PARD6G: variants seen among roughly 807,000 people sequenced by gnomAD.
PARD6G encodes par-6 family cell polarity regulator gamma.
A neutral mutation model predicts 10.7 loss-of-function variants in PARD6G; 7 were observed. The observed-to-expected ratio is 0.66, with a 90% CI of 0.37 to 1.23. The LOEUF is 1.23. Among genes scored for constraint, PARD6G ranks in the 50% most tolerant of loss-of-function variants. PARD6G has a pLI of 0.02. For missense variants in PARD6G, 548 were observed against 571.8 expected (o/e 0.96, Z 0.42); for synonymous variants, 287 against 269.4 (o/e 1.07, Z -0.64).
intron 2 of PARD6G, among the ~76,000 whole-genome samples, chr18:80,173,981 A>AT (rs1261314982): frequency 6.6e-6 from 1 of 152,152 alleles, no homozygotes; most frequent in Non-Finnish European, 1.5e-5. Flanking sequence ...AGGGAAAGGC[A>AT]TTCAGTCTGT....
At position 80,246,474 on chromosome 18, in the gene PARD6G, G is replaced by C. The variant is rs977999607; in HGVS notation, c.72+803C>G. On this transcript the variant is annotated intron_variant, in intron 1 of 2. Coordinates refer to ENST00000353265, the MANE Select transcript of PARD6G (RefSeq NM_032510.4). The surrounding 1 kb of genome is among the most constrained non-coding windows in gnomAD (Gnocchi z 6.7). ...CCGGGCGCAGGCAGCGGGAGGGGCC[G>C]GGCACGCCCGTGGGGGTGGTCTGGG... Among the ~76,000 whole-genome samples the C allele has an allele frequency of 1.3e-4, 20 of 152,098 alleles. No individual in the cohort carries two copies. The highest frequency in any genetic ancestry group is 2.8e-4 in the Non-Finnish European group (19 of 67,980).
At chr18:80,195,735 C>T (rs1479224192) in intron 2 of PARD6G, among the ~76,000 whole-genome samples, 2 of 150,572 alleles carry the variant, frequency 1.3e-5, no homozygotes, top group East Asian at 2.0e-4. Context: ...ATCAGCCAGG[C>T]GTGGTGGCGC....
intron 1 of PARD6G, among the ~76,000 whole-genome samples, chr18:80,210,729 A>G (rs1186244930): frequency 6.6e-6 from 1 of 152,256 alleles, no homozygotes; most frequent in African/African-American, 2.4e-5. Flanking sequence ...ACGACTAATT[A>G]TAAACAAATA....
At chr18:80,210,229 A>C (rs1402621562) in intron 1 of PARD6G, among the ~76,000 whole-genome samples, 1 of 152,232 alleles carries the variant, frequency 6.6e-6, no homozygotes, top group Non-Finnish European at 1.5e-5. Flanking sequence ...CCAGAATGGA[A>C]GACTAGGACC....
chr18:80,194,632 G>A (rs1465777917), intron 2 of PARD6G, among the ~76,000 whole-genome samples: 1 of 152,032 alleles, frequency 6.6e-6, no homozygotes, highest in Non-Finnish European at 1.5e-5. Context: ...GTGAGCTCTG[G>A]ACTTTGCATA....
Position 80,228,256 on chromosome 18 carries a change from C to T in PARD6G, c.72+19021G>A, listed in dbSNP as rs892181143. Among the ~76,000 whole-genome samples, 2 of 152,010 alleles carry T rather than the reference C, an allele frequency of 1.3e-5. No individual in the cohort carries two copies. The highest frequency in any genetic ancestry group is 4.8e-5 in the African/African-American group (2 of 41,356). On this transcript the variant is annotated intron_variant, in intron 1 of 2. Transcript: ENST00000353265. This position sits in a 1 kb window ranked among gnomAD's most constrained non-coding sequence, Gnocchi z 4.6. ...GAGACGGCAGCGAGCAGAGAGACCC[C>T]AAGTGAAAACTGCGGAAGCCGCCAT...
intron 1 of PARD6G, among the ~76,000 whole-genome samples, chr18:80,219,203 G>GGTTTGCTT (rs143184886): frequency 2.4e-4 from 34 of 143,122 alleles, no homozygotes; most frequent in African/African-American, 3.8e-4. Flanking sequence ...CAGAAAATAG[G>GGTTTGCTT]GTTTGTTTGT....
Position 80,160,148 on chromosome 18 carries a change from G to C in PARD6G, c.754C>G (p.Gln252Glu). The C allele has an allele frequency of 6.2e-7, 1 of 1,613,320 alleles. No homozygotes were observed. The highest frequency in any genetic ancestry group is 8.5e-7 in the Non-Finnish European group (1 of 1,179,766). The change falls in exon 3 of 3, where the codon CAG becomes GAG. Residue 252 changes from glutamine to glutamate, a missense_variant. Physicochemically the swap from Gln to Glu is conservative, Grantham distance 29. Transcript: ENST00000353265. Reference sequence around the variant, plus strand: ...CCGCCGCGCACCACGTTGTTGCGCTGGTTGGCGGGCTTGACGGTGACGATG... The same window carrying C: ...CCGCCGCGCACCACGTTGTTGCGCTCGTTGGCGGGCTTGACGGTGACGATG... ...NLIVTVKPAN[Q>E]RNNVVRGGRA...
intron 2 of PARD6G, among the ~76,000 whole-genome samples, chr18:80,186,391 TCA>T (rs953184658): frequency 4.2e-5 from 4 of 95,902 alleles, no homozygotes; most frequent in African/African-American, 1.7e-4. Flanking sequence ...TCGCACACCC[TCA>T]CACATGCATG....
intron 2 of PARD6G, among the ~76,000 whole-genome samples, chr18:80,176,821 C>T (rs2052810518): frequency 6.6e-6 from 1 of 152,116 alleles, no homozygotes; most frequent in African/African-American, 2.4e-5. Context: ...TGTAAACAGC[C>T]CTTCACGATC....
At chr18:80,224,846 C>CAA (rs568835380) in intron 1 of PARD6G, among the ~76,000 whole-genome samples, 4 of 146,746 alleles carry the variant, frequency 2.7e-5, no homozygotes, top group East Asian at 2.0e-4. Flanking sequence ...GACTCCGTTT[C>CAA]AAAAAAAAAA....
In PARD6G at chr18:80,247,273, T is replaced by A. The variant is rs770484979; in HGVS notation, c.72+4A>T. On this transcript the variant is annotated splice_donor_region_variant and intron_variant, in intron 1 of 2. Transcript: ENST00000353265. The surrounding 1 kb of genome is among the most constrained non-coding windows in gnomAD (Gnocchi z 4.2). ...AGGGCCGCCGGGGCGGGCGGGGGGC[T>A]TACCTTGCTCTTGACTTCCACTGCG... The A allele has an allele frequency of 3.2e-6, 5 of 1,574,952 alleles. No homozygotes were observed. In the Admixed American group the frequency reaches 8.9e-5, roughly 28 times the overall value.
intron 2 of PARD6G, chr18:80,169,324 G>C (rs541398301): frequency 6.6e-6 from 1 of 152,350 alleles, no homozygotes; most frequent in East Asian, 1.9e-4. Flanking sequence ...TGATTCCTGC[G>C]AGCGCTCAAC....
intron 2 of PARD6G, among the ~76,000 whole-genome samples, chr18:80,199,927 G>A (rs1239488196): frequency 1.3e-5 from 2 of 152,218 alleles, no homozygotes; most frequent in Non-Finnish European, 2.9e-5. Context: ...TTACAGGCGT[G>A]AGCCACCATG....
intron 2 of PARD6G, among the ~76,000 whole-genome samples, chr18:80,179,435 GCC>G (rs1164264695): frequency 6.6e-6 from 1 of 152,090 alleles, no homozygotes; most frequent in Non-Finnish European, 1.5e-5. Context: ...GGTGTGTCCT[GCC>G]CTCAGCGGGC....
rs2145239663 is a variant in PARD6G, at chr18:80,161,062, CT to C, written c.296-457del. Among the ~76,000 whole-genome samples the C allele has an allele frequency of 6.6e-6, 1 of 152,284 alleles. No homozygotes were observed. Among genetic ancestry groups the C allele is most frequent in the Non-Finnish European group, 1.5e-5 (1 of 68,014 alleles). ...TTACAACTAAGAGAGACCTTTCCTG[CT>C]TTCTTCTTTTCTATGCGCAAGCCCC... On this transcript the variant is annotated intron_variant, in intron 2 of 2. Transcript: ENST00000353265. This position sits in a 1 kb window ranked among gnomAD's most constrained non-coding sequence, Gnocchi z 4.6.
At chr18:80,233,386 C>T (rs1171032504) in intron 1 of PARD6G, among the ~76,000 whole-genome samples, 4 of 152,224 alleles carry the variant, frequency 2.6e-5, no homozygotes, top group African/African-American at 9.6e-5. Context: ...TCCCTCTCAT[C>T]CCTGCACCAG....
At chr18:80,167,596 G>A (rs947147189) in intron 2 of PARD6G, among the ~76,000 whole-genome samples, 1 of 152,098 alleles carries the variant, frequency 6.6e-6, no homozygotes, top group African/African-American at 2.4e-5. Context: ...GCTGCAGAGG[G>A]TGGAGCTGGG....
chr18:80,232,129 G>C (rs886298163), intron 1 of PARD6G, among the ~76,000 whole-genome samples: 3 of 152,158 alleles, frequency 2.0e-5, no homozygotes, highest in Non-Finnish European at 4.4e-5. Context: ...AGTGTGACCA[G>C]AGCCAGCAGC....
Sources: gnomAD v4.1 joint callset for allele counts (sites outside exome capture counted in the v4.1 genomes callset) on GRCh38, gnomAD v4.1.1 for gene constraint, Gnocchi (gnomAD v3.1) non-coding constraint, MANE v1.5 for transcripts, NCBI Gene and HGNC (gene_info 2026-07-23, HGNC 2026-07-21) for gene names.